Variants in ERI1 observed in about 807,000 individuals in gnomAD.
ERI1 encodes the protein 3'-5' exoribonuclease 1.
Under a neutral mutation model 39.7 loss-of-function variants are expected in ERI1, and 39 were observed. That is an observed-to-expected ratio of 0.98 (90% CI 0.76 to 1.28). The LOEUF (loss-of-function observed/expected upper bound fraction) is 1.28, where lower values mean the gene tolerates loss of function less well. Among genes scored for constraint, ERI1 ranks in the 50% most tolerant of loss-of-function variants. The pLI is 0.00. For missense variants in ERI1, 581 were observed against 416.9 expected, an observed-to-expected ratio of 1.39 and a Z score of -3.43; for synonymous variants, 204 against 149.6, an observed-to-expected ratio of 1.36 and a Z score of -2.65.
chr8:9,058,639 C>G (rs150108017), intron 3 of ERI1, among the ~76,000 whole-genome samples: 1 of 152,240 alleles, frequency 6.6e-6, no homozygotes, highest in African/African-American at 2.4e-5. Context: ...TTCTGTTTAA[C>G]TTGACTTAAT....
chr8:9,048,061 ACT>A (rs1430127594), intron 3 of ERI1, among the ~76,000 whole-genome samples: 1 of 151,980 alleles, frequency 6.6e-6, no homozygotes, highest in African/African-American at 2.4e-5. Flanking sequence ...GGTCCCCCAG[ACT>A]CTGCAGCCTT....
chr8:9,081,349 A>G (rs1206829192), intron 3 of ERI1, among the ~76,000 whole-genome samples: 3 of 152,238 alleles, frequency 2.0e-5, no homozygotes, highest in Non-Finnish European at 4.4e-5. Context: ...ATTTTAGATG[A>G]AACAAGATTG....
intron 3 of ERI1, among the ~76,000 whole-genome samples, chr8:9,070,909 C>T (rs898822073): frequency 2.6e-5 from 4 of 152,036 alleles, no homozygotes; most frequent in Non-Finnish European, 4.4e-5. Context: ...TGGTGGTGGC[C>T]CCAGGTGGCA....
At chr8:9,013,990 A>C (rs966017347) in intron 3 of ERI1, among the ~76,000 whole-genome samples, 1 of 152,178 alleles carries the variant, frequency 6.6e-6, no homozygotes, top group Admixed American at 6.5e-5. Flanking sequence ...GTCCGCCTAC[A>C]ACCAGTTCTC....
At chr8:9,016,448 T>C in intron 4 of ERI1, 43 bp downstream of exon 4, 1 of 1,253,808 alleles carries the variant, frequency 8.0e-7, no homozygotes, top group South Asian at 1.4e-5. Context: ...GAAAGAGTTC[T>C]TGAAATTAGG....
chr8:9,044,607 G>T (rs1188145822), intron 3 of ERI1, among the ~76,000 whole-genome samples: 2 of 152,016 alleles, frequency 1.3e-5, no homozygotes, highest in Non-Finnish European at 2.9e-5. Flanking sequence ...TGGACTAGGG[G>T]GTCAAAGAGG....
At chr8:9,083,995 G>A (rs991329896) in intron 3 of ERI1, among the ~76,000 whole-genome samples, 7 of 152,142 alleles carry the variant, frequency 4.6e-5, no homozygotes, top group East Asian at 1.9e-4. Context: ...GGGTTTCACC[G>A]TGTTAGCCAG....
intron 5 of ERI1, 27 bp from the exon 6 acceptor site, chr8:9,020,323 A>C (rs1259602659): frequency 3.8e-6 from 5 of 1,312,326 alleles, no homozygotes; most frequent in Admixed American, 4.7e-5. Context: ...TTATTTCATC[A>C]ATTTTTTGTC....
intron 3 of ERI1, among the ~76,000 whole-genome samples, chr8:9,096,066 G>A (rs560427610): frequency 2.0e-5 from 3 of 152,328 alleles, no homozygotes; most frequent in South Asian, 4.1e-4. Context: ...CTGTCTAAAT[G>A]TATTGCTGAG....
At chr8:9,042,200 G>A (rs1798045966) in intron 3 of ERI1, among the ~76,000 whole-genome samples, 1 of 152,168 alleles carries the variant, frequency 6.6e-6, no homozygotes, top group African/African-American at 2.4e-5. Context: ...GAAGGAACTT[G>A]GAGGCTGCAT....
chr8:9,094,540 C>T (rs777466731), intron 3 of ERI1, among the ~76,000 whole-genome samples: 1 of 152,214 alleles, frequency 6.6e-6, no homozygotes, highest in African/African-American at 2.4e-5. Flanking sequence ...CTCTCCTTCT[C>T]TGTGTCCTGT....
downstream of ERI1, among the ~76,000 whole-genome samples, chr8:9,036,174 T>C (rs778050676): frequency 6.6e-6 from 1 of 152,266 alleles, no homozygotes; most frequent in Non-Finnish European, 1.5e-5. Context: ...ATAAGCTTAA[T>C]TGATAAACCA....
At position 9,011,767 on chromosome 8, in the gene ERI1, G is replaced by C. The variant is rs28665409; in HGVS notation, c.498+15G>C. 1 of 1,563,330 alleles carries C rather than the reference G, an allele frequency of 6.4e-7. No individual in the cohort carries two copies. On this transcript the variant is annotated intron_variant, in intron 3 of 6. Transcript: ENST00000250263. ...CTTTAGAAATAGTAAGTGAATTTTT[G>C]TATTTTAATTGTATTTCTAGCAGCA...
chr8:9,073,941 T>A, intron 3 of ERI1, among the ~76,000 whole-genome samples: 2 of 152,282 alleles, frequency 1.3e-5, no homozygotes, highest in Non-Finnish European at 2.9e-5. Context: ...TTATTATTTT[T>A]AAAATTTATT....
chr8:9,063,414 G>A (rs894723239), intron 3 of ERI1, among the ~76,000 whole-genome samples: 5 of 152,262 alleles, frequency 3.3e-5, no homozygotes, highest in South Asian at 2.1e-4. Context: ...GGCTAGTCAT[G>A]GAATGAAACT....
At chr8:9,020,206 A>G in intron 5 of ERI1, 144 bp from the exon 6 acceptor site, 1 of 488,016 alleles carries the variant, frequency 2.0e-6, no homozygotes. Flanking sequence ...AGTATTTTGT[A>G]GGAAGCAAGG....
At chr8:9,022,895 G>A (rs774270433) in intron 6 of ERI1, among the ~76,000 whole-genome samples, 4 of 152,176 alleles carry the variant, frequency 2.6e-5, no homozygotes, top group Non-Finnish European at 4.4e-5. Context: ...TGAGGCAGAA[G>A]TCAGACATTA....
chr8:9,079,389 T>TG (rs1442447364), intron 3 of ERI1, among the ~76,000 whole-genome samples: 2 of 152,216 alleles, frequency 1.3e-5, no homozygotes, highest in Non-Finnish European at 1.5e-5. Flanking sequence ...CCTAAACAAA[T>TG]GCATTGTTCT....
chr8:9,004,368 T>C (rs1186623176), intron 1 of ERI1: 1 of 901,818 alleles, frequency 1.1e-6, no homozygotes, highest in Non-Finnish European at 1.4e-6. Context: ...TGCTTCTTTA[T>C]ATTTGAAAGT....
Sources: gnomAD v4.1 joint callset for allele counts (sites outside exome capture counted in the v4.1 genomes callset) on GRCh38, gnomAD v4.1.1 for gene constraint, MANE v1.5 for transcripts, NCBI Gene and HGNC (gene_info 2026-07-23, HGNC 2026-07-21) for gene names.